Variants in LRRC4C observed in about 807,000 individuals in gnomAD.
LRRC4C encodes the protein leucine-rich repeat-containing protein 4C.
LRRC4C carries 5 observed loss-of-function variants against 33.6 expected under a neutral mutation model. The observed-to-expected ratio is 0.15, with a 90% CI of 0.08 to 0.31. The LOEUF (loss-of-function observed/expected upper bound fraction) is 0.31, where lower values mean the gene tolerates loss of function less well. Ranked by LOEUF, LRRC4C falls within the 10% of genes least tolerant of loss-of-function variation. The probability of loss-of-function intolerance (pLI) is 1.00; values close to 1 mark genes in which losing one functional copy is unlikely to be tolerated. For synonymous variants in LRRC4C, 329 were observed against 302.0 expected (o/e 1.09, Z -0.93); for missense variants, 560 against 796.7 (o/e 0.70, Z 3.58).
intron 1 of LRRC4C, among the ~76,000 whole-genome samples, chr11:41,206,948 A>T (rs1279218077): frequency 6.6e-6 from 1 of 152,174 alleles, no homozygotes; most frequent in Non-Finnish European, 1.5e-5. Flanking sequence ...CTACATTATA[A>T]GTATATATGA....
chr11:40,177,545 T>G (rs943526757), intron 5 of LRRC4C, among the ~76,000 whole-genome samples: 2 of 152,100 alleles, frequency 1.3e-5, no homozygotes, highest in African/African-American at 4.8e-5. Context: ...CCACCTATTC[T>G]CTTTGCTTGG....
At chr11:41,240,240 G>A (rs1158652261) in intron 1 of LRRC4C, among the ~76,000 whole-genome samples, 1 of 152,150 alleles carries the variant, frequency 6.6e-6, no homozygotes, top group Admixed American at 6.5e-5. Flanking sequence ...TTGCCTGAAG[G>A]ATGTCTTAGG....
intron 1 of LRRC4C, among the ~76,000 whole-genome samples, chr11:41,122,738 A>C (rs1474090843): frequency 6.6e-6 from 1 of 152,100 alleles, no homozygotes; most frequent in Admixed American, 6.6e-5. Context: ...AACAATGTGT[A>C]TCATCATACT....
At chr11:41,287,621 A>G (rs1021358877) in intron 1 of LRRC4C, among the ~76,000 whole-genome samples, 3 of 152,196 alleles carry the variant, frequency 2.0e-5, no homozygotes, top group Non-Finnish European at 4.4e-5. Context: ...TTCAATATTA[A>G]TTACTGGCAA....
chr11:41,271,233 G>A (rs1257127663), intron 1 of LRRC4C, among the ~76,000 whole-genome samples: 1 of 151,918 alleles, frequency 6.6e-6, no homozygotes, highest in African/African-American at 2.4e-5. Context: ...CCTAACTTAA[G>A]TATTTTTAAA....
chr11:41,294,963 T>A (rs1321297348), intron 1 of LRRC4C, among the ~76,000 whole-genome samples: 3 of 152,204 alleles, frequency 2.0e-5, no homozygotes, highest in East Asian at 3.8e-4. Context: ...TGATTATTTT[T>A]AAAATGCATT....
At chr11:41,426,230 T>C (rs1955038146) in intron 1 of LRRC4C, 1 of 152,182 alleles carries the variant, frequency 6.6e-6, no homozygotes, top group Non-Finnish European at 1.5e-5. Context: ...TTGACTTCCT[T>C]TTCTCTTACT....
intron 6 of LRRC4C, among the ~76,000 whole-genome samples, chr11:40,118,767 T>C (rs749176820): frequency 3.9e-5 from 6 of 152,110 alleles, no homozygotes; most frequent in Non-Finnish European, 8.8e-5. Context: ...GTAAAGACTC[T>C]TAGGGGTTGG....
intron 1 of LRRC4C, among the ~76,000 whole-genome samples, chr11:41,390,912 G>A (rs1953563673): frequency 6.6e-6 from 1 of 151,288 alleles, no homozygotes; most frequent in Admixed American, 6.6e-5. Context: ...AATTATCAAT[G>A]GAATGATTGA....
intron 3 of LRRC4C, among the ~76,000 whole-genome samples, chr11:40,397,609 G>A (rs922846410): frequency 6.6e-6 from 1 of 152,074 alleles, no homozygotes; most frequent in Non-Finnish European, 1.5e-5. Context: ...TAAAAAGCAT[G>A]TTTTATACAG....
intron 1 of LRRC4C, among the ~76,000 whole-genome samples, chr11:40,977,013 G>T (rs1852134278): frequency 6.6e-6 from 1 of 152,106 alleles, no homozygotes; most frequent in Admixed American, 6.5e-5. Flanking sequence ...CCTGTAGCTA[G>T]ATGGTCCCAT....
At chr11:41,306,579 G>T (rs1177780546) in intron 1 of LRRC4C, among the ~76,000 whole-genome samples, 1 of 152,190 alleles carries the variant, frequency 6.6e-6, no homozygotes, top group Non-Finnish European at 1.5e-5. Flanking sequence ...GAATGTGTCA[G>T]ACACAGTCCC....
At chr11:40,761,975 G>T (rs1442203311) in intron 2 of LRRC4C, among the ~76,000 whole-genome samples, 3 of 152,086 alleles carry the variant, frequency 2.0e-5, no homozygotes, top group Admixed American at 1.3e-4. Flanking sequence ...CCATTTTTCT[G>T]TAGGTTACCA....
At chr11:40,688,388 G>A (rs2136381933) in intron 2 of LRRC4C, among the ~76,000 whole-genome samples, 1 of 152,100 alleles carries the variant, frequency 6.6e-6, no homozygotes, top group East Asian at 1.9e-4. Flanking sequence ...AAAAAGACTT[G>A]TTTTTCCCAT....
Position 40,922,176 on chromosome 11 carries a change from C to G in LRRC4C, c.-407+11459G>C, listed in dbSNP as rs114543662. ...ATATTTCTCTCTCCCTTCTTTTTGT[C>G]TCTTTCCCCTTCCTTCCCTCCCCAT... On this transcript the variant is annotated intron_variant, in intron 2 of 6. Coordinates refer to ENST00000528697, the MANE Select transcript of LRRC4C (RefSeq NM_001258419.2). 8.0e-3 allele frequency among the ~76,000 whole-genome samples: 1,217 copies of G among 152,126 alleles called. 17 individuals carry two copies. Among genetic ancestry groups the G allele is most frequent in the African/African-American group, 0.027 (1,128 of 41,522 alleles).
chr11:40,280,660 C>G (rs1231877779), intron 4 of LRRC4C, among the ~76,000 whole-genome samples: 1 of 152,154 alleles, frequency 6.6e-6, no homozygotes, highest in East Asian at 1.9e-4. Flanking sequence ...AATCCTTCCA[C>G]TGGTTAAGAG....
chr11:40,298,804 G>A (rs1267604877), intron 4 of LRRC4C, among the ~76,000 whole-genome samples: 1 of 152,118 alleles, frequency 6.6e-6, no homozygotes, highest in Non-Finnish European at 1.5e-5. Context: ...TTACATGGTG[G>A]CAGGTGGCAG....
chr11:40,735,765 A>G (rs370361596), intron 2 of LRRC4C, among the ~76,000 whole-genome samples: 4 of 149,736 alleles, frequency 2.7e-5, no homozygotes, highest in Non-Finnish European at 5.9e-5. Context: ...ACTAGTTTAC[A>G]GTCCCACCAA....
At chr11:40,721,896 G>T (rs1037797854) in intron 2 of LRRC4C, among the ~76,000 whole-genome samples, 1 of 152,116 alleles carries the variant, frequency 6.6e-6, no homozygotes, top group Non-Finnish European at 1.5e-5. Context: ...AGCCAAGATC[G>T]CGCCACTGCA....
Sources: gnomAD v4.1 joint callset for allele counts (sites outside exome capture counted in the v4.1 genomes callset) on GRCh38, gnomAD v4.1.1 for gene constraint, MANE v1.5 for transcripts, NCBI Gene and HGNC (gene_info 2026-07-23, HGNC 2026-07-21) for gene names.